SKI: variants seen among roughly 807,000 people sequenced by gnomAD.
The protein encoded by SKI is SKI proto-oncogene.
Under a neutral mutation model 59.3 loss-of-function variants are expected in SKI, and 23 were observed. That is an observed-to-expected ratio of 0.39 (90% CI 0.28 to 0.55). The LOEUF (loss-of-function observed/expected upper bound fraction) is 0.55. Ranked by LOEUF, SKI falls within the 20% of genes least tolerant of loss-of-function variation. The probability of loss-of-function intolerance (pLI) is 0.67; values close to 1 mark genes in which losing one functional copy is unlikely to be tolerated. For missense variants in SKI, 1,017 were observed against 1,038.9 expected (o/e 0.98, Z 0.29); for synonymous variants, 673 against 488.6 (o/e 1.38, Z -4.98).
In SKI at chr1:2,303,026, T is replaced by G; in HGVS notation, c.1018T>G (p.Ser340Ala). Residue 340 changes from serine to alanine, a missense_variant, in exon 2 of 7, where the codon TCT (serine) becomes GCT (alanine). Coordinates refer to ENST00000378536, the MANE Select transcript of SKI (RefSeq NM_003036.4). This position sits in a 1 kb window ranked among gnomAD's most constrained non-coding sequence, Gnocchi z 5.6. ...ASIRPKTDDTSSQSPAPSEKD... is the reference protein window; with the variant it reads ...ASIRPKTDDTASQSPAPSEKD... ...CATAAGACCCAAAACAGATGACACC[T>G]CTTCCCAGTCCCCCGCGCCTTCCGA... The G allele has an allele frequency of 6.2e-7, 1 of 1,613,694 alleles. No homozygotes were observed. The highest frequency in any genetic ancestry group is 8.5e-7 in the Non-Finnish European group (1 of 1,180,012).
intron 1 of SKI, among the ~76,000 whole-genome samples, chr1:2,247,105 G>C (rs1296866808): frequency 6.6e-6 from 1 of 152,242 alleles, no homozygotes; most frequent in Admixed American, 6.5e-5. Context: ...CCTGGTCCCA[G>C]CTACTTGGGA....
chr1:2,236,374 C>A (rs1314171062), intron 1 of SKI, among the ~76,000 whole-genome samples: 1 of 152,124 alleles, frequency 6.6e-6, no homozygotes, highest in Admixed American at 6.5e-5. Context: ...CATTCTTTGG[C>A]TAGAAGGAGA....
chr1:2,241,620 C>A (rs1638875658), intron 1 of SKI, among the ~76,000 whole-genome samples: 1 of 147,828 alleles, frequency 6.8e-6, no homozygotes, highest in Non-Finnish European at 1.5e-5. Context: ...GTCTCGATCT[C>A]CTGACCTCGC....
Position 2,269,919 on chromosome 1 carries a change from T to G in SKI, c.970-33059T>G, listed in dbSNP as rs1569772820. On this transcript the variant is annotated intron_variant, in intron 1 of 6. Coordinates refer to ENST00000378536, the MANE Select transcript of SKI (RefSeq NM_003036.4). The surrounding 1 kb of genome is among the most constrained non-coding windows in gnomAD (Gnocchi z 4.7). Reference sequence around the variant, plus strand: ...CTGTGGCTGGCGTGGGTCTGGCGGGTCTGGTGGTGCCTGTGGCTGGCGTGG... The same window carrying G: ...CTGTGGCTGGCGTGGGTCTGGCGGGGCTGGTGGTGCCTGTGGCTGGCGTGG... 4.4e-5 allele frequency among the ~76,000 whole-genome samples: 4 copies of G among 90,258 alleles called. No homozygotes were observed. Among genetic ancestry groups the G allele is most frequent in the Non-Finnish European group, 8.8e-5 (4 of 45,512 alleles). The allele number at this position is 90,258 out of a possible 152,430, so 59.2% of individuals were successfully genotyped here.
At chr1:2,301,060 C>G (rs1243737054) in intron 1 of SKI, among the ~76,000 whole-genome samples, 1 of 152,176 alleles carries the variant, frequency 6.6e-6, no homozygotes, top group Non-Finnish European at 1.5e-5. Flanking sequence ...GTGGCTTTTC[C>G]CCGGGTGATA....
At chr1:2,279,978 C>CA (rs1639836029) in intron 1 of SKI, among the ~76,000 whole-genome samples, 1 of 152,156 alleles carries the variant, frequency 6.6e-6, no homozygotes, top group South Asian at 2.1e-4. Context: ...AATTGGGCCC[C>CA]ACCCCCAGCC....
intron 1 of SKI, among the ~76,000 whole-genome samples, chr1:2,297,645 G>T (rs924689197): frequency 5.9e-5 from 9 of 152,226 alleles, no homozygotes; most frequent in Non-Finnish European, 8.8e-5. Flanking sequence ...TAAGCCCGTG[G>T]CCCCTGTACA....
chr1:2,274,810 C>T (rs980389461), intron 1 of SKI, among the ~76,000 whole-genome samples: 4 of 152,198 alleles, frequency 2.6e-5, no homozygotes, highest in African/African-American at 7.2e-5. Context: ...TGAGGAGGGC[C>T]GGCTGCTGCC....
chr1:2,267,424 C>T lies in SKI; in HGVS notation c.970-35554C>T, dbSNP rs767822731. 1.0e-3 allele frequency among the ~76,000 whole-genome samples: 152 copies of T among 152,160 alleles called. 1 individual carries two copies. The highest frequency in any genetic ancestry group is 5.1e-4 in the African/African-American group (21 of 41,420). On this transcript the variant is annotated intron_variant, in intron 1 of 6. Transcript: ENST00000378536. This position sits in a 1 kb window ranked among gnomAD's most constrained non-coding sequence, Gnocchi z 4.1. ...AGGGCCGTTCGGGCCGGAGCAGGTG[C>T]GACAGGAATGTCCCACGTCCTCTCG...
At chr1:2,298,329 C>T (rs1290228605) in intron 1 of SKI, among the ~76,000 whole-genome samples, 1 of 152,148 alleles carries the variant, frequency 6.6e-6, no homozygotes, top group Non-Finnish European at 1.5e-5. Flanking sequence ...CTTCACTCTG[C>T]GAAGTTCCCT....
rs117890076 is a variant in SKI, at chr1:2,260,061, C to T, written c.969+30326C>T. Among the ~76,000 whole-genome samples the T allele has an allele frequency of 7.4e-3, 1,132 of 152,288 alleles. 40 individuals carry two copies. In the East Asian group the frequency reaches 0.098, roughly 13 times the overall value. On this transcript the variant is annotated intron_variant, in intron 1 of 6. Coordinates refer to ENST00000378536, the MANE Select transcript of SKI (RefSeq NM_003036.4). ...GGAATGGCTGGATCATATATTTGTG[C>T]TTATGTTTAACTTTTAGAAACTGCC... is the stretch of plus-strand genomic sequence containing the variant.
At chr1:2,266,568 G>A (rs2100846611) in intron 1 of SKI, among the ~76,000 whole-genome samples, 1 of 152,264 alleles carries the variant, frequency 6.6e-6, no homozygotes, top group Admixed American at 6.5e-5. Context: ...TTTGCTGCCT[G>A]ACCTCCAGGG....
At position 2,246,233 on chromosome 1, in the gene SKI, GGT is replaced by G. The variant is rs1334927222; in HGVS notation, c.969+16502_969+16503del. 1.2e-4 allele frequency among the ~76,000 whole-genome samples: 19 copies of G among 152,138 alleles called. 1 individual carries two copies. Among genetic ancestry groups the G allele is most frequent in the Non-Finnish European group, 1.5e-5 (1 of 68,022 alleles). ...TTTTTTGACAGCGGCCATCCTAATG[GGT>G]GTGAGGTGGCATCTCATTGTGGTTT... is the stretch of plus-strand genomic sequence containing the variant. On this transcript the variant is annotated intron_variant, in intron 1 of 6. Transcript: ENST00000378536.
In SKI at chr1:2,307,239, G is replaced by T. The variant is rs1640616623; in HGVS notation, c.*474G>T. ...TCACAGCTCATCTGCCCGCGGCTGC[G>T]TGAGGACAGCAGGGGTTTTTCTTCA... is the stretch of plus-strand genomic sequence containing the variant. On this transcript the variant is annotated 3_prime_UTR_variant, in exon 7 of 7. Coordinates refer to ENST00000378536, the MANE Select transcript of SKI (RefSeq NM_003036.4). 6.7e-6 allele frequency: 1 copy of T among 149,756 alleles called. No individual in the cohort carries two copies. 9.3% of individuals were successfully genotyped at this position (149,756 alleles called of 1,614,324 possible). A position where few individuals can be genotyped will look rare whatever the true frequency, so the allele number is the denominator to read the frequency against.
At chr1:2,295,915 G>C (rs1298206447) in intron 1 of SKI, among the ~76,000 whole-genome samples, 1 of 152,218 alleles carries the variant, frequency 6.6e-6, no homozygotes, top group Admixed American at 6.5e-5. Flanking sequence ...GTGTGGATGT[G>C]TGTTTTCAGT....
intron 1 of SKI, among the ~76,000 whole-genome samples, chr1:2,236,337 C>T (rs746292582): frequency 1.3e-5 from 2 of 152,204 alleles, no homozygotes; most frequent in African/African-American, 4.8e-5. Context: ...TCTGCAGGCA[C>T]TGGCAGTCAA....
intron 1 of SKI, among the ~76,000 whole-genome samples, chr1:2,272,658 C>T (rs1639651147): frequency 6.6e-6 from 1 of 152,224 alleles, no homozygotes; most frequent in South Asian, 2.1e-4. Flanking sequence ...TAAATACAAC[C>T]ATGTATTTTA....
intron 1 of SKI, among the ~76,000 whole-genome samples, chr1:2,302,480 A>T (rs1023450878): frequency 6.6e-6 from 1 of 152,128 alleles, no homozygotes. Context: ...CCTGTGCCGC[A>T]GCTGCCCTTC....
chr1:2,261,673 A>G (rs900091855), intron 1 of SKI, among the ~76,000 whole-genome samples: 2 of 152,276 alleles, frequency 1.3e-5, no homozygotes, highest in African/African-American at 4.8e-5. Context: ...GTAGATGATC[A>G]TGTCGTCTGC....
Sources: allele counts gnomAD v4.1 joint callset (sites outside exome capture counted in the v4.1 genomes callset), GRCh38; gene constraint gnomAD v4.1.1; non-coding constraint Gnocchi (gnomAD v3.1); transcripts MANE v1.5; gene names NCBI Gene and HGNC (gene_info 2026-07-23, HGNC 2026-07-21).